Variants in CAP1 observed in about 807,000 individuals in gnomAD.
The protein encoded by CAP1 is adenylyl cyclase-associated protein 1.
Under a neutral mutation model 58.2 loss-of-function variants are expected in CAP1, and 11 were observed. That is an observed-to-expected ratio of 0.19 (90% CI 0.12 to 0.31). The LOEUF (loss-of-function observed/expected upper bound fraction) is 0.31. CAP1 is among the 10% of genes least tolerant of loss of function. The probability of loss-of-function intolerance (pLI) is 1.00; values close to 1 mark genes in which losing one functional copy is unlikely to be tolerated. For missense variants in CAP1, 423 were observed against 587.5 expected, an observed-to-expected ratio of 0.72 and a Z score of 2.89; for synonymous variants, 183 against 213.8, an observed-to-expected ratio of 0.86 and a Z score of 1.26.
chr1:40,054,348 G>A (rs1459164011), intron 1 of CAP1, among the ~76,000 whole-genome samples: 1 of 151,986 alleles, frequency 6.6e-6, no homozygotes, highest in Non-Finnish European at 1.5e-5. Context: ...ATACCACCAC[G>A]CCTGGCTAAG....
chr1:40,051,668 C>T (rs546245999), intron 1 of CAP1, among the ~76,000 whole-genome samples: 209 of 152,220 alleles, frequency 1.4e-3, no homozygotes, highest in Non-Finnish European at 2.3e-3. Context: ...CTCCGCCTCC[C>T]GGGTTCATGC....
At position 40,072,223 on chromosome 1, in the gene CAP1, G is replaced by A. The variant is rs1361230588; in HGVS notation, c.*690G>A. 34 of 379,250 alleles carry A rather than the reference G, an allele frequency of 9.0e-5. No homozygotes were observed. Among genetic ancestry groups the A allele is most frequent in the African/African-American group, 6.9e-4 (31 of 44,664 alleles). The allele number at this position is 379,250 out of a possible 1,614,324, so 23.5% of individuals were successfully genotyped here. A position where few individuals can be genotyped will look rare whatever the true frequency, so the allele number is the denominator to read the frequency against. ...TTTCTTTCTCTGGGATCCCTGCCCA[G>A]CACCTTCCTATAGAGATGACTTTAA... On this transcript the variant is annotated 3_prime_UTR_variant, in exon 13 of 13. Coordinates refer to ENST00000372805, the MANE Select transcript of CAP1 (RefSeq NM_006367.4).
At chr1:40,052,893 A>G (rs983073883) in intron 1 of CAP1, among the ~76,000 whole-genome samples, 1 of 152,086 alleles carries the variant, frequency 6.6e-6, no homozygotes, top group Middle Eastern at 3.4e-3. Flanking sequence ...GATTGAGACC[A>G]TCCTGGCTAA....
chr1:40,043,666 C>G (rs1299602766), intron 1 of CAP1, among the ~76,000 whole-genome samples: 1 of 152,132 alleles, frequency 6.6e-6, no homozygotes, highest in Non-Finnish European at 1.5e-5. Flanking sequence ...CACTTGAGAT[C>G]AGGAGTTCAA....
chr1:40,068,771 AGAT>A (rs1453719011), intron 8 of CAP1, among the ~76,000 whole-genome samples: 2 of 152,082 alleles, frequency 1.3e-5, no homozygotes, highest in Non-Finnish European at 2.9e-5. Context: ...CTGCTGTGGG[AGAT>A]GATGAATTAT....
intron 1 of CAP1, among the ~76,000 whole-genome samples, chr1:40,044,502 A>G (rs778964949): frequency 4.1e-4 from 63 of 152,180 alleles, no homozygotes; most frequent in Non-Finnish European, 7.6e-4. Context: ...TGACAACCAG[A>G]CAAATCTTTT....
intron 9 of CAP1, 78 bp from the exon 10 acceptor site, chr1:40,070,081 A>G (rs1279717717): frequency 1.9e-6 from 3 of 1,594,938 alleles, no homozygotes; most frequent in Non-Finnish European, 2.6e-6. Context: ...TTGCAAGAAC[A>G]AAAAGTTTGG....
At chr1:40,060,764 A>G (rs939300932) in intron 3 of CAP1, among the ~76,000 whole-genome samples, 1 of 150,324 alleles carries the variant, frequency 6.7e-6, no homozygotes, top group Non-Finnish European at 1.5e-5. Context: ...AACAGTAACC[A>G]TGCTTGGGAA....
chr1:40,059,269 T>A, intron 1 of CAP1, 68 bp from the exon 2 acceptor site: 1 of 877,698 alleles, frequency 1.1e-6, no homozygotes, highest in South Asian at 1.4e-5. Context: ...CCAGGAATTT[T>A]CTGTTTTTTT....
At chr1:40,055,714 G>T (rs1646584008) in intron 1 of CAP1, among the ~76,000 whole-genome samples, 1 of 152,084 alleles carries the variant, frequency 6.6e-6, no homozygotes, top group Non-Finnish European at 1.5e-5. Flanking sequence ...TCCCTATGTT[G>T]CCCCGGCTAG....
chr1:40,067,353 G>T, intron 7 of CAP1, 187 bp from the exon 8 acceptor site: 1 of 490,820 alleles, frequency 2.0e-6, no homozygotes, highest in Non-Finnish European at 3.6e-6. Flanking sequence ...AAATAGAACT[G>T]AGAGCTGGAT....
chr1:40,059,545 C>T, intron 2 of CAP1, 87 bp downstream of exon 2: 3 of 754,696 alleles, frequency 4.0e-6, no homozygotes, highest in Non-Finnish European at 6.9e-6. Context: ...GCGCTAACTT[C>T]CCAAAACTTA....
chr1:40,063,963 G>A (rs1646965267), intron 4 of CAP1, among the ~76,000 whole-genome samples: 1 of 152,200 alleles, frequency 6.6e-6, no homozygotes, highest in East Asian at 1.9e-4. Flanking sequence ...AAAGAGACAG[G>A]TGGCTGAAAT....
chr1:40,062,050 C>A (rs1646874663), intron 4 of CAP1, among the ~76,000 whole-genome samples: 1 of 152,166 alleles, frequency 6.6e-6, no homozygotes, highest in Admixed American at 6.5e-5. Flanking sequence ...GTGGTTATCC[C>A]TGGGACTTTG....
chr1:40,043,090 C>G (rs1044040918), intron 1 of CAP1, among the ~76,000 whole-genome samples: 8 of 152,284 alleles, frequency 5.3e-5, no homozygotes, highest in Admixed American at 3.9e-4. Flanking sequence ...AGTAAAGATA[C>G]GGAGGCAGGA....
chr1:40,047,744 T>C (rs914781073), intron 1 of CAP1, among the ~76,000 whole-genome samples: 1 of 152,208 alleles, frequency 6.6e-6, no homozygotes, highest in Non-Finnish European at 1.5e-5. Flanking sequence ...AGAGAACCCA[T>C]GACCACACAA....
At chr1:40,064,664 C>T in intron 6 of CAP1, 105 bp downstream of exon 6, 1 of 831,430 alleles carries the variant, frequency 1.2e-6, no homozygotes, top group Non-Finnish European at 2.0e-6. Context: ...GCAGCCTCAA[C>T]CTCCCAGCTC....
chr1:40,047,876 A>G (rs1646176621), intron 1 of CAP1, among the ~76,000 whole-genome samples: 1 of 152,122 alleles, frequency 6.6e-6, no homozygotes, highest in African/African-American at 2.4e-5. Flanking sequence ...GGAACAGGAG[A>G]CAGGTGTTGA....
intron 5 of CAP1, 27 bp downstream of exon 5, chr1:40,064,397 G>C: frequency 1.9e-6 from 3 of 1,614,020 alleles, no homozygotes; most frequent in Non-Finnish European, 2.5e-6. Flanking sequence ...CCAGGGCTGG[G>C]GGTGGGTATA....
Sources: gnomAD v4.1 joint callset for allele counts (sites outside exome capture counted in the v4.1 genomes callset) on GRCh38, gnomAD v4.1.1 for gene constraint, MANE v1.5 for transcripts, NCBI Gene and HGNC (gene_info 2026-07-23, HGNC 2026-07-21) for gene names.